SH2B3: variants seen among roughly 807,000 people sequenced by gnomAD.
SH2B3 encodes SH2B adapter protein 3.
In SH2B3, 43 loss-of-function variants were observed where a neutral mutation model predicts 51.9. The ratio of observed to expected loss-of-function variants is 0.83; its 90% CI spans 0.65 to 1.07. The LOEUF (loss-of-function observed/expected upper bound fraction) is 1.07. Ranked by LOEUF, SH2B3 falls within the 50% of genes least tolerant of loss-of-function variation. The probability of loss-of-function intolerance (pLI) is 0.00; values close to 1 mark genes in which losing one functional copy is unlikely to be tolerated. For synonymous variants in SH2B3, 396 were observed against 376.0 expected, an observed-to-expected ratio of 1.05 and a Z score of -0.62; for missense variants, 952 against 834.3, an observed-to-expected ratio of 1.14 and a Z score of -1.74.
intron 5 of SH2B3, 41 bp downstream of exon 5, chr12:111,447,260 C>G (rs1874084297): frequency 6.3e-7 from 1 of 1,577,908 alleles, no homozygotes; most frequent in African/African-American, 1.3e-5. Context: ...TCTGGGTACG[C>G]TGGAACCCAG....
At chr12:111,437,714 C>T (rs756415127) in intron 2 of SH2B3, among the ~76,000 whole-genome samples, 33 of 152,168 alleles carry the variant, frequency 2.2e-4, no homozygotes, top group Admixed American at 1.3e-3. Flanking sequence ...CTGATTCAGT[C>T]GCTGGAACTG....
At chr12:111,412,716 C>T (rs1024949907) in intron 1 of SH2B3, among the ~76,000 whole-genome samples, 2 of 152,078 alleles carry the variant, frequency 1.3e-5, no homozygotes, top group Admixed American at 6.6e-5. Flanking sequence ...ACTACAGGCC[C>T]AGCCACCATG....
intron 2 of SH2B3, among the ~76,000 whole-genome samples, chr12:111,423,392 CAG>C (rs932715417): frequency 6.4e-4 from 97 of 151,924 alleles, no homozygotes; most frequent in Admixed American, 5.5e-3. Context: ...TTTTTTGAGA[CAG>C]AGTCTTGCTC....
At chr12:111,445,888 T>C (rs973904128) in intron 2 of SH2B3, among the ~76,000 whole-genome samples, 4 of 152,368 alleles carry the variant, frequency 2.6e-5, no homozygotes, top group African/African-American at 9.6e-5. Context: ...CAGTCCAAGG[T>C]ATGCCCTTTT....
chr12:111,447,131 G>A lies in SH2B3; in HGVS notation c.933G>A (p.Glu311=), dbSNP rs1874063979. ...TCAGCCTCTTCTCCAGCAGGCTGGAGAGCACAGAAGCAGAGATGCATATTC... is the reference window on the plus strand; with the variant it reads ...TCAGCCTCTTCTCCAGCAGGCTGGAAAGCACAGAAGCAGAGATGCATATTC... ...ELSECTGRGL[E]STEAEMHIPS... The change falls in exon 5 of 8, where the codon GAG becomes GAA. Residue 311 remains glutamate, a synonymous_variant. Coordinates refer to ENST00000341259, the MANE Select transcript of SH2B3 (RefSeq NM_005475.3). The A allele has an allele frequency of 6.2e-7, 1 of 1,613,904 alleles. No homozygotes were observed. Among genetic ancestry groups the A allele is most frequent in the East Asian group, 2.2e-5 (1 of 44,862 alleles).
At chr12:111,427,511 C>T (rs558204274) in intron 2 of SH2B3, among the ~76,000 whole-genome samples, 3 of 151,512 alleles carry the variant, frequency 2.0e-5, no homozygotes, top group East Asian at 3.9e-4. Flanking sequence ...GACGGGGAGG[C>T]GACAGCAGTG....
rs1871318558 is a variant in SH2B3 at position 111,418,867 on chromosome 12, ACCCACCCAAGGTAAGTAAGC to A, written c.725_732+12del. Reference sequence around the variant, plus strand: ...CCCGACCGCGTGCTGGAGCTCTTCGACCCACCCAAGGTAAGTAAGCCCTGCCCGCGGGGTTGCGCACTGCA... The same window carrying A: ...CCCGACCGCGTGCTGGAGCTCTTCGACCTGCCCGCGGGGTTGCGCACTGCA... On this transcript the variant is annotated splice_donor_variant and splice_donor_5th_base_variant and coding_sequence_variant and intron_variant, in exon 2 of 8. Coordinates refer to ENST00000341259, the MANE Select transcript of SH2B3 (RefSeq NM_005475.3). LOFTEE classifies it high-confidence loss of function. The surrounding 1 kb of genome is among the most constrained non-coding windows in gnomAD (Gnocchi z 6.7). 7.1e-7 allele frequency: 1 copy of A among 1,411,752 alleles called. No homozygotes were observed. The highest frequency in any genetic ancestry group is 9.1e-7 in the Non-Finnish European group (1 of 1,096,840). The allele number at this position is 1,411,752 out of a possible 1,614,324, so 87.5% of individuals were successfully genotyped here. A position where few individuals can be genotyped will look rare whatever the true frequency, so the allele number is the denominator to read the frequency against.
chr12:111,415,387 G>A (rs547734233), intron 1 of SH2B3, among the ~76,000 whole-genome samples: 11 of 152,270 alleles, frequency 7.2e-5, no homozygotes, highest in African/African-American at 2.6e-4. Flanking sequence ...ACCGTGGACA[G>A]CAGAGGGGTG....
intron 1 of SH2B3, among the ~76,000 whole-genome samples, chr12:111,415,134 C>T (rs189095458): frequency 6.6e-6 from 1 of 152,344 alleles, no homozygotes; most frequent in Admixed American, 6.5e-5. Context: ...CCCTGTGGCT[C>T]TGTAGCTTGT....
intron 1 of SH2B3, among the ~76,000 whole-genome samples, chr12:111,417,195 CTGG>C (rs1477847519): frequency 1.3e-5 from 2 of 152,168 alleles, no homozygotes; most frequent in African/African-American, 2.4e-5. Flanking sequence ...TAGTCTCCAG[CTGG>C]TGGGCATTTA....
chr12:111,421,058 A>G (rs1269757368), intron 2 of SH2B3, among the ~76,000 whole-genome samples: 1 of 152,196 alleles, frequency 6.6e-6, no homozygotes, highest in Non-Finnish European at 1.5e-5. Context: ...ACCCCCATAC[A>G]TACCACCTCT....
chr12:111,446,625 C>G (rs917668204), intron 2 of SH2B3, 128 bp from the exon 3 acceptor site: 1 of 595,106 alleles, frequency 1.7e-6, no homozygotes, highest in Non-Finnish European at 3.0e-6. Flanking sequence ...GGCTCAGAGC[C>G]TGCCCAGCAA....
intron 2 of SH2B3, among the ~76,000 whole-genome samples, chr12:111,442,046 C>G (rs1426126253): frequency 2.0e-5 from 3 of 152,232 alleles, no homozygotes; most frequent in Non-Finnish European, 2.9e-5. Context: ...ATTCTCCTGC[C>G]TCAGCTTCCC....
chr12:111,436,158 C>T (rs1000172488), intron 2 of SH2B3, among the ~76,000 whole-genome samples: 11 of 152,204 alleles, frequency 7.2e-5, no homozygotes, highest in African/African-American at 2.2e-4. Flanking sequence ...TTATTTGGCA[C>T]TTGAGAGCCC....
At chr12:111,446,244 C>T (rs1191046540) in intron 2 of SH2B3, among the ~76,000 whole-genome samples, 2 of 152,244 alleles carry the variant, frequency 1.3e-5, no homozygotes, top group African/African-American at 4.8e-5. Flanking sequence ...AGCAGGTTTC[C>T]TGCTGGCAAA....
chr12:111,426,489 G>T (rs1271177730), intron 2 of SH2B3, among the ~76,000 whole-genome samples: 11 of 151,172 alleles, frequency 7.3e-5, no homozygotes, highest in African/African-American at 2.7e-4. Context: ...GCCTCCCAGT[G>T]TTGGGATTAC....
chr12:111,416,531 T>A (rs1376809547), intron 1 of SH2B3, among the ~76,000 whole-genome samples: 1 of 152,002 alleles, frequency 6.6e-6, no homozygotes, highest in Non-Finnish European at 1.5e-5. Flanking sequence ...TCTTGCTCTA[T>A]CACCCAGGCT....
chr12:111,432,983 G>A (rs770621206), intron 2 of SH2B3, among the ~76,000 whole-genome samples: 4 of 152,360 alleles, frequency 2.6e-5, no homozygotes, highest in Non-Finnish European at 5.9e-5. Context: ...ACAAGTTTTT[G>A]TGTGGATCTG....
rs1232297013 is a variant in SH2B3, at chr12:111,410,373, G to A, written c.-28+4096G>A. The stretch of plus-strand genomic sequence containing the variant: ...CTCCTGATGTCCCCAAGTAGCACGT[G>A]GGGAGGAGGTTCACCCACAGGCTGC... On this transcript the variant is annotated intron_variant, in intron 1 of 7. Transcript: ENST00000341259. The surrounding 1 kb of genome is among the most constrained non-coding windows in gnomAD (Gnocchi z 4.9). Among the ~76,000 whole-genome samples the A allele has an allele frequency of 6.6e-6, 1 of 152,178 alleles. No individual in the cohort carries two copies. Among genetic ancestry groups the A allele is most frequent in the Non-Finnish European group, 1.5e-5 (1 of 67,992 alleles).
Sources: allele counts gnomAD v4.1 joint callset (sites outside exome capture counted in the v4.1 genomes callset), GRCh38; gene constraint gnomAD v4.1.1; non-coding constraint Gnocchi (gnomAD v3.1); transcripts MANE v1.5; gene names NCBI Gene and HGNC (gene_info 2026-07-23, HGNC 2026-07-21).